LSAMP: variants seen among roughly 807,000 people sequenced by gnomAD.
LSAMP encodes limbic system associated membrane protein, also known as limbic system-associated membrane protein.
In LSAMP, 7 loss-of-function variants were observed where a neutral mutation model predicts 38.6. That is an observed-to-expected ratio of 0.18 (90% CI 0.10 to 0.34). LSAMP has a LOEUF of 0.34. LSAMP is among the 10% of genes least tolerant of loss of function. The pLI is 1.00. For synonymous variants in LSAMP, 154 were observed against 166.8 expected, an observed-to-expected ratio of 0.92 and a Z score of 0.59; for missense variants, 313 against 420.0, an observed-to-expected ratio of 0.75 and a Z score of 2.23.
At chr3:116,244,493 C>G (rs1352331469) in intron 1 of LSAMP, among the ~76,000 whole-genome samples, 2 of 152,156 alleles carry the variant, frequency 1.3e-5, no homozygotes, top group African/African-American at 4.8e-5. Flanking sequence ...AGATTGGAAC[C>G]CGTTCCTGTG....
At chr3:116,343,409 T>C (rs537273335) in intron 1 of LSAMP, among the ~76,000 whole-genome samples, 10 of 152,212 alleles carry the variant, frequency 6.6e-5, no homozygotes, top group African/African-American at 1.9e-4. Context: ...GTGGAAGCAA[T>C]ATAATAATCA....
At chr3:116,092,167 T>A (rs753232438) in intron 1 of LSAMP, among the ~76,000 whole-genome samples, 1 of 152,184 alleles carries the variant, frequency 6.6e-6, no homozygotes, top group Non-Finnish European at 1.5e-5. Flanking sequence ...CAAATTGCAT[T>A]AGGTCAATTA....
At position 115,861,130 on chromosome 3, in the gene LSAMP, T is replaced by TTTCC. The variant is rs369018115; in HGVS notation, c.515-8517_515-8514dup. Among the ~76,000 whole-genome samples the TTTCC allele has an allele frequency of 4.4e-3, 282 of 64,592 alleles. 2 individuals are homozygous for TTTCC. The highest frequency in any genetic ancestry group is 5.7e-3 in the Non-Finnish European group (181 of 31,826). The allele number at this position is 64,592 out of a possible 152,430, so 42.4% of individuals were successfully genotyped here. A position where few individuals can be genotyped will look rare whatever the true frequency, so the allele number is the denominator to read the frequency against. The stretch of plus-strand genomic sequence containing the variant: ...CCTCCCCTCCCTCCTTCCTTCTTTC[T>TTTCC]TTCCTTCCTTCCTTCCTTCCTTCCT... On this transcript the variant is annotated intron_variant, in intron 3 of 6. Coordinates refer to ENST00000490035, the MANE Select transcript of LSAMP (RefSeq NM_002338.5).
intron 3 of LSAMP, among the ~76,000 whole-genome samples, chr3:116,008,690 T>A (rs75371142): frequency 6.6e-6 from 1 of 152,040 alleles, no homozygotes; most frequent in African/African-American, 2.4e-5. Context: ...CACCAATATT[T>A]TTTTTTTTCT....
intron 3 of LSAMP, among the ~76,000 whole-genome samples, chr3:115,999,973 T>C (rs4286426): frequency 0.36 from 55,375 of 152,000 alleles, 10,141 homozygotes; most frequent in African/African-American, 0.4. Context: ...AACTGGGCAG[T>C]GATGCAGGGG....
At chr3:116,379,778 G>T (rs1437498809) in intron 1 of LSAMP, among the ~76,000 whole-genome samples, 1 of 151,962 alleles carries the variant, frequency 6.6e-6, no homozygotes, top group East Asian at 1.9e-4. Flanking sequence ...GAAATTAGAA[G>T]AAATATTTGA....
At chr3:116,083,583 C>T (rs996797007) in intron 2 of LSAMP, among the ~76,000 whole-genome samples, 17 of 152,054 alleles carry the variant, frequency 1.1e-4, no homozygotes, top group Non-Finnish European at 5.9e-5. Context: ...GTTGGCCTCA[C>T]CATTGTGTAA....
chr3:116,208,883 G>T (rs907333117), intron 1 of LSAMP, among the ~76,000 whole-genome samples: 1 of 152,226 alleles, frequency 6.6e-6, no homozygotes, highest in African/African-American at 2.4e-5. Context: ...CAGAGGTGGA[G>T]CCTACAGAGG....
chr3:116,316,505 G>T (rs2047630683), intron 1 of LSAMP, among the ~76,000 whole-genome samples: 1 of 152,198 alleles, frequency 6.6e-6, no homozygotes, highest in South Asian at 2.1e-4. Flanking sequence ...GGGCGCCGTG[G>T]CTCACGCCTG....
chr3:115,836,200 G>A (rs560703113), intron 6 of LSAMP, among the ~76,000 whole-genome samples: 12 of 152,068 alleles, frequency 7.9e-5, no homozygotes, highest in Admixed American at 3.3e-4. Flanking sequence ...TGTTATTACC[G>A]TCTTAGCTCC....
intron 1 of LSAMP, among the ~76,000 whole-genome samples, chr3:116,124,952 A>G (rs1206462307): frequency 6.6e-6 from 1 of 152,212 alleles, no homozygotes; most frequent in Non-Finnish European, 1.5e-5. Context: ...GATAAATCCG[A>G]TAACAGTGTT....
At chr3:115,829,890 T>C (rs1934553323) in intron 6 of LSAMP, among the ~76,000 whole-genome samples, 1 of 152,192 alleles carries the variant, frequency 6.6e-6, no homozygotes, top group African/African-American at 2.4e-5. Flanking sequence ...CTGATGTCCA[T>C]GCAACATGAT....
chr3:115,956,282 C>A (rs981354042), intron 3 of LSAMP, among the ~76,000 whole-genome samples: 1 of 150,618 alleles, frequency 6.6e-6, no homozygotes, highest in Admixed American at 6.7e-5. Flanking sequence ...CAAGACAGAT[C>A]TGATCTCGTA....
At chr3:115,999,645 A>G (rs1939930586) in intron 3 of LSAMP, among the ~76,000 whole-genome samples, 1 of 152,168 alleles carries the variant, frequency 6.6e-6, no homozygotes, top group Non-Finnish European at 1.5e-5. Flanking sequence ...GTTTCCTTAG[A>G]ATCCTGAAGG....
intron 3 of LSAMP, among the ~76,000 whole-genome samples, chr3:115,932,594 GA>G: frequency 6.6e-6 from 1 of 152,274 alleles, no homozygotes; most frequent in African/African-American, 2.4e-5. Flanking sequence ...TGATCACATA[GA>G]TTTTTTGGCA....
intron 3 of LSAMP, among the ~76,000 whole-genome samples, chr3:116,009,809 C>T (rs549123264): frequency 6.6e-6 from 1 of 151,980 alleles, no homozygotes; most frequent in Admixed American, 6.6e-5. Flanking sequence ...CACTATAGCA[C>T]AAGTTTATTG....
intron 1 of LSAMP, among the ~76,000 whole-genome samples, chr3:116,349,894 A>C (rs1183802300): frequency 6.6e-6 from 1 of 152,028 alleles, no homozygotes; most frequent in Non-Finnish European, 1.5e-5. Context: ...GTATATTTAC[A>C]TGTTTTCTGA....
chr3:116,087,951 T>C (rs1264604434), intron 1 of LSAMP, among the ~76,000 whole-genome samples: 1 of 151,248 alleles, frequency 6.6e-6, no homozygotes, highest in African/African-American at 2.4e-5. Flanking sequence ...TGGGGAGCAG[T>C]GGCCTGATCA....
intron 3 of LSAMP, among the ~76,000 whole-genome samples, chr3:115,861,249 A>C (rs1214914247): frequency 1.3e-5 from 2 of 149,684 alleles, no homozygotes; most frequent in African/African-American, 4.9e-5. Context: ...ATGATGTGTA[A>C]GCATAAAATC....
Sources: allele counts gnomAD v4.1 joint callset (sites outside exome capture counted in the v4.1 genomes callset), GRCh38; gene constraint gnomAD v4.1.1; transcripts MANE v1.5; gene names NCBI Gene and HGNC (gene_info 2026-07-23, HGNC 2026-07-21).